Variants in ROBO2 observed in about 807,000 individuals in gnomAD.
ROBO2 encodes the protein roundabout homolog 2.
In ROBO2, 53 loss-of-function variants were observed where a neutral mutation model predicts 160.8. The ratio of observed to expected loss-of-function variants is 0.33; its 90% CI spans 0.26 to 0.41. The LOEUF (loss-of-function observed/expected upper bound fraction) is 0.41, where lower values mean the gene tolerates loss of function less well. Ranked by LOEUF, ROBO2 falls within the 10% of genes least tolerant of loss-of-function variation. The pLI is 1.00. For synonymous variants in ROBO2, 664 were observed against 611.7 expected (o/e 1.09, Z -1.26); for missense variants, 1,577 against 1,722.4 (o/e 0.92, Z 1.49).
At chr3:77,339,626 C>G (rs538767636) in intron 2 of ROBO2, among the ~76,000 whole-genome samples, 2 of 152,030 alleles carry the variant, frequency 1.3e-5, no homozygotes, top group African/African-American at 2.4e-5. Context: ...CTTTGGGTAG[C>G]CTTTTAAAAT....
chr3:76,538,024 G>A (rs542976373), intron 2 of ROBO2, among the ~76,000 whole-genome samples: 51 of 152,116 alleles, frequency 3.4e-4, no homozygotes, highest in African/African-American at 4.3e-4. Context: ...GCAGGAACTG[G>A]GGTTTCACTT....
At chr3:76,700,186 C>T (rs918411840) in intron 2 of ROBO2, among the ~76,000 whole-genome samples, 3 of 152,048 alleles carry the variant, frequency 2.0e-5, no homozygotes, top group East Asian at 1.9e-4. Context: ...CTTATTCTTT[C>T]TGTCATTTTT....
At chr3:76,936,263 T>C (rs978265361) in intron 2 of ROBO2, among the ~76,000 whole-genome samples, 3 of 152,122 alleles carry the variant, frequency 2.0e-5, no homozygotes, top group African/African-American at 7.2e-5. Flanking sequence ...GATTCATAGA[T>C]AGATATGTAG....
At chr3:75,922,579 A>G (rs1379918218) in intron 1 of ROBO2, among the ~76,000 whole-genome samples, 1 of 152,102 alleles carries the variant, frequency 6.6e-6, no homozygotes, top group Non-Finnish European at 1.5e-5. Flanking sequence ...CATTGACAGG[A>G]AACTGTATGA....
chr3:76,233,435 C>T (rs757426516), intron 2 of ROBO2, among the ~76,000 whole-genome samples: 11 of 152,248 alleles, frequency 7.2e-5, no homozygotes, highest in South Asian at 2.1e-4. Context: ...TGAGCCACCA[C>T]GCCTGGCCTG....
chr3:76,617,635 G>GT (rs371722739), intron 2 of ROBO2, among the ~76,000 whole-genome samples: 1 of 152,076 alleles, frequency 6.6e-6, no homozygotes, highest in Non-Finnish European at 1.5e-5. Flanking sequence ...AAGCTAGAGA[G>GT]TTTTTTTGGT....
chr3:77,189,642 G>C (rs1394534660), intron 2 of ROBO2, among the ~76,000 whole-genome samples: 1 of 151,910 alleles, frequency 6.6e-6, no homozygotes, highest in Admixed American at 6.6e-5. Flanking sequence ...TTTCTGGTGA[G>C]ACTTTTGTGA....
intron 2 of ROBO2, among the ~76,000 whole-genome samples, chr3:76,015,863 A>G: frequency 6.6e-6 from 1 of 152,220 alleles, no homozygotes; most frequent in Non-Finnish European, 1.5e-5. Context: ...TAATAATCAC[A>G]AATGCTTTCT....
intron 1 of ROBO2, among the ~76,000 whole-genome samples, chr3:75,921,923 G>GT (rs1259320549): frequency 2.0e-5 from 3 of 152,090 alleles, no homozygotes; most frequent in Non-Finnish European, 4.4e-5. Flanking sequence ...ACCAAAAACA[G>GT]TTTCTGTATA....
intron 2 of ROBO2, among the ~76,000 whole-genome samples, chr3:77,452,476 A>G (rs921977565): frequency 6.6e-6 from 1 of 152,222 alleles, no homozygotes; most frequent in Non-Finnish European, 1.5e-5. Flanking sequence ...TAAGTGCAGC[A>G]GACACTCATT....
chr3:76,506,877 A>G (rs947222443), intron 2 of ROBO2, among the ~76,000 whole-genome samples: 3 of 152,196 alleles, frequency 2.0e-5, no homozygotes, highest in African/African-American at 7.2e-5. Context: ...GTTCCTTAAA[A>G]TATACCTAAA....
rs547051102 is a variant in ROBO2, at chr3:77,353,867, A to G, written c.389-123547A>G. Among the ~76,000 whole-genome samples, 20 of 152,328 alleles carry G rather than the reference A, an allele frequency of 1.3e-4. 1 individual carries two copies. Among genetic ancestry groups the G allele is most frequent in the African/African-American group, 4.6e-4 (19 of 41,576 alleles). ...TAATACTGCTCAGAACATGCAATGG[A>G]AAATATTGATGTAGATCTTCTGAAA... On this transcript the variant is annotated intron_variant, in intron 2 of 25. Transcript: ENST00000461745.
At chr3:76,473,530 C>T (rs2078777672) in intron 2 of ROBO2, among the ~76,000 whole-genome samples, 1 of 152,138 alleles carries the variant, frequency 6.6e-6, no homozygotes, top group Non-Finnish European at 1.5e-5. Context: ...TGGAGGTCAA[C>T]ACTTCCTTTG....
chr3:76,314,443 TATC>T (rs1471675013), intron 2 of ROBO2, among the ~76,000 whole-genome samples: 1 of 151,944 alleles, frequency 6.6e-6, no homozygotes, highest in Non-Finnish European at 1.5e-5. Flanking sequence ...AAATAGATAA[TATC>T]ATATTTACAT....
At chr3:77,166,968 A>C (rs1223172099) in intron 2 of ROBO2, among the ~76,000 whole-genome samples, 1 of 152,090 alleles carries the variant, frequency 6.6e-6, no homozygotes, top group African/African-American at 2.4e-5. Flanking sequence ...GCTATTTATG[A>C]TGTTTCTTTA....
intron 2 of ROBO2, among the ~76,000 whole-genome samples, chr3:75,955,692 C>T (rs1372331751): frequency 6.6e-6 from 1 of 151,594 alleles, no homozygotes; most frequent in Non-Finnish European, 1.5e-5. Flanking sequence ...GTGCTCTATA[C>T]ACTTCATTGC....
chr3:76,146,947 A>T (rs1002105123), intron 2 of ROBO2, among the ~76,000 whole-genome samples: 1 of 149,190 alleles, frequency 6.7e-6, no homozygotes, highest in Non-Finnish European at 1.5e-5. Context: ...ATAGAGGGGA[A>T]CAACACACAA....
At chr3:76,386,322 C>T (rs7619656) in intron 2 of ROBO2, among the ~76,000 whole-genome samples, 1 of 135,222 alleles carries the variant, frequency 7.4e-6, no homozygotes, top group Non-Finnish European at 1.5e-5. Flanking sequence ...TCTTTCCTTC[C>T]CTCCTTCCCT....
At chr3:77,514,975 C>T (rs2089848842) in intron 5 of ROBO2, among the ~76,000 whole-genome samples, 1 of 151,694 alleles carries the variant, frequency 6.6e-6, no homozygotes. Flanking sequence ...ACTATAACTG[C>T]CTCCATATGT....
Sources: gnomAD v4.1 joint callset for allele counts (sites outside exome capture counted in the v4.1 genomes callset) on GRCh38, gnomAD v4.1.1 for gene constraint, MANE v1.5 for transcripts, NCBI Gene and HGNC (gene_info 2026-07-23, HGNC 2026-07-21) for gene names.